NDST3: variants seen among roughly 807,000 people sequenced by gnomAD.
NDST3 encodes bifunctional heparan sulfate N-deacetylase/N-sulfotransferase 3.
NDST3 carries 58 observed loss-of-function variants against 96.1 expected under a neutral mutation model. That is an observed-to-expected ratio of 0.60 (90% CI 0.49 to 0.75). The LOEUF is 0.75. Among genes scored for constraint, NDST3 ranks in the 30% least tolerant of loss-of-function variants. NDST3 has a pLI of 0.00. For missense variants in NDST3, 788 were observed against 1,034.2 expected, an observed-to-expected ratio of 0.76 and a Z score of 3.27; for synonymous variants, 333 against 359.7, an observed-to-expected ratio of 0.93 and a Z score of 0.84.
intron 2 of NDST3, among the ~76,000 whole-genome samples, chr4:118,103,408 A>C (rs1383626932): frequency 3.3e-5 from 5 of 152,126 alleles, no homozygotes; most frequent in Non-Finnish European, 7.4e-5. Flanking sequence ...TGAGAGAGGA[A>C]GAAGGGGAGA....
chr4:118,168,292 C>T lies in NDST3; in HGVS notation c.1539+24608C>T, dbSNP rs183091580. ...TGAATAGTCCTTTCTCCAAAGACGACATGACCAACAGGCATATGAAAAGAA... is the reference window on the plus strand; with the variant it reads ...TGAATAGTCCTTTCTCCAAAGACGATATGACCAACAGGCATATGAAAAGAA... On this transcript the variant is annotated intron_variant, in intron 6 of 13. Coordinates refer to ENST00000296499, the MANE Select transcript of NDST3 (RefSeq NM_004784.3). Among the ~76,000 whole-genome samples the T allele has an allele frequency of 5.9e-5, 9 of 152,056 alleles. No individual in the cohort carries two copies. The East Asian group carries it at 1.7e-3, about 29-fold the overall frequency.
chr4:118,158,664 G>C (rs1365785297), intron 6 of NDST3, among the ~76,000 whole-genome samples: 1 of 152,120 alleles, frequency 6.6e-6, no homozygotes, highest in Non-Finnish European at 1.5e-5. Context: ...TAATTACAAA[G>C]AGAAAAATCA....
At chr4:118,115,166 G>A (rs1017446333) in intron 4 of NDST3, among the ~76,000 whole-genome samples, 1 of 152,154 alleles carries the variant, frequency 6.6e-6, no homozygotes, top group Non-Finnish European at 1.5e-5. Context: ...GATCTAATTT[G>A]AGAGGGACCT....
At chr4:118,116,780 C>T (rs927849027) in intron 4 of NDST3, among the ~76,000 whole-genome samples, 3 of 152,070 alleles carry the variant, frequency 2.0e-5, no homozygotes, top group Admixed American at 6.5e-5. Flanking sequence ...ATGGTATGAA[C>T]CCAGGAGGTG....
At chr4:118,175,829 G>A (rs1736244739) in intron 6 of NDST3, among the ~76,000 whole-genome samples, 1 of 152,126 alleles carries the variant, frequency 6.6e-6, no homozygotes, top group African/African-American at 2.4e-5. Flanking sequence ...GAATTAGAAA[G>A]CCTCTGGAGA....
chr4:118,220,371 A>G (rs12506555), intron 6 of NDST3, among the ~76,000 whole-genome samples: 44,705 of 151,698 alleles, frequency 0.29, 8,102 homozygotes, highest in Middle Eastern at 0.42. Flanking sequence ...CAAACACCGC[A>G]TGTTCTCACT....
chr4:118,111,642 T>C (rs1048668584), intron 3 of NDST3, among the ~76,000 whole-genome samples: 7 of 151,762 alleles, frequency 4.6e-5, no homozygotes, highest in South Asian at 2.1e-4. Flanking sequence ...GTTAACGCCA[T>C]TCTCCTGCCT....
chr4:118,101,303 T>C (rs1729742775), intron 2 of NDST3, among the ~76,000 whole-genome samples: 1 of 152,038 alleles, frequency 6.6e-6, no homozygotes, highest in Non-Finnish European at 1.5e-5. Context: ...AAATTAGTTC[T>C]TTTTTGTCTT....
chr4:118,044,446 C>A (rs1333430481), intron 1 of NDST3, among the ~76,000 whole-genome samples: 1 of 152,224 alleles, frequency 6.6e-6, no homozygotes, highest in Non-Finnish European at 1.5e-5. Context: ...GTCCCCCTTT[C>A]TCTGCAGTGT....
chr4:118,229,362 AT>A (rs1740122122), intron 8 of NDST3, among the ~76,000 whole-genome samples: 1 of 152,204 alleles, frequency 6.6e-6, no homozygotes. Context: ...ATATTCAAGT[AT>A]TTTTCAGTGT....
At chr4:118,220,554 A>T (rs1739472241) in intron 6 of NDST3, among the ~76,000 whole-genome samples, 1 of 152,010 alleles carries the variant, frequency 6.6e-6, no homozygotes, top group Non-Finnish European at 1.5e-5. Context: ...ACCATGGCAA[A>T]CGTATACCTA....
chr4:118,082,156 C>T (rs941656585), intron 2 of NDST3, among the ~76,000 whole-genome samples: 2 of 152,122 alleles, frequency 1.3e-5, no homozygotes, highest in African/African-American at 4.8e-5. Context: ...TTATTTTTCC[C>T]GAGTATTTTT....
intron 2 of NDST3, among the ~76,000 whole-genome samples, chr4:118,079,843 G>A (rs1244827786): frequency 2.0e-5 from 3 of 152,216 alleles, no homozygotes; most frequent in Non-Finnish European, 4.4e-5. Flanking sequence ...AGAAGTTAAC[G>A]GGCTTGAGAC....
chr4:118,214,490 T>G (rs1421582663), intron 6 of NDST3, among the ~76,000 whole-genome samples: 1 of 152,194 alleles, frequency 6.6e-6, no homozygotes, highest in Admixed American at 6.5e-5. Context: ...AAGTATATTA[T>G]TTAAATTGAT....
intron 1 of NDST3, among the ~76,000 whole-genome samples, chr4:118,044,514 C>T (rs548362019): frequency 1.8e-4 from 28 of 152,304 alleles, no homozygotes; most frequent in African/African-American, 5.3e-4. Flanking sequence ...TAACAGTTTA[C>T]GACTACATTG....
At chr4:118,189,749 C>T (rs1409823615) in intron 6 of NDST3, among the ~76,000 whole-genome samples, 3 of 151,904 alleles carry the variant, frequency 2.0e-5, no homozygotes, top group East Asian at 1.9e-4. Flanking sequence ...TACTCAAAGG[C>T]GAACAAAGAT....
Position 118,156,431 on chromosome 4 carries a change from G to T in NDST3, c.1539+12747G>T, listed in dbSNP as rs376334737. ...CCTTCCAGTAATTTTTGACTTCCTT[G>T]ATGGAAGACATCATGCCTTATTCTA... On this transcript the variant is annotated intron_variant, in intron 6 of 13. Transcript: ENST00000296499. 1.7e-4 allele frequency among the ~76,000 whole-genome samples: 26 copies of T among 152,228 alleles called. 1 individual carries two copies. Among genetic ancestry groups the T allele is most frequent in the African/African-American group, 5.5e-4 (23 of 41,540 alleles).
chr4:118,137,762 T>C (rs903696376), intron 4 of NDST3, among the ~76,000 whole-genome samples: 1 of 152,140 alleles, frequency 6.6e-6, no homozygotes, highest in African/African-American at 2.4e-5. Flanking sequence ...GGAAAACAGG[T>C]GGCTACGACA....
At chr4:118,242,909 C>G (rs977856539) in intron 12 of NDST3, among the ~76,000 whole-genome samples, 11 of 151,988 alleles carry the variant, frequency 7.2e-5, no homozygotes, top group African/African-American at 2.4e-4. Flanking sequence ...CTTACCTCAC[C>G]CTAGTGCTGA....
Sources: gnomAD v4.1 joint callset for allele counts (sites outside exome capture counted in the v4.1 genomes callset) on GRCh38, gnomAD v4.1.1 for gene constraint, MANE v1.5 for transcripts, NCBI Gene and HGNC (gene_info 2026-07-23, HGNC 2026-07-21) for gene names.